NALF1: variants seen among roughly 807,000 people sequenced by gnomAD.
NALF1 encodes the protein NALCN channel auxiliary factor 1.
Under a neutral mutation model 48.4 loss-of-function variants are expected in NALF1, and 3 were observed. The ratio of observed to expected loss-of-function variants is 0.06; its 90% CI spans 0.03 to 0.16. The LOEUF (loss-of-function observed/expected upper bound fraction) is 0.16, where lower values mean the gene tolerates loss of function less well. Ranked by LOEUF, NALF1 falls within the 10% of genes least tolerant of loss-of-function variation. NALF1 has a pLI of 1.00. For synonymous variants in NALF1, 262 were observed against 245.7 expected, an observed-to-expected ratio of 1.07 and a Z score of -0.62; for missense variants, 526 against 571.5, an observed-to-expected ratio of 0.92 and a Z score of 0.81.
intron 1 of NALF1, among the ~76,000 whole-genome samples, chr13:107,521,722 G>A (rs1028709801): frequency 6.6e-6 from 1 of 152,100 alleles, no homozygotes; most frequent in Non-Finnish European, 1.5e-5. Context: ...CTAGCCCAGT[G>A]TCCCACAGTT....
intron 2 of NALF1, among the ~76,000 whole-genome samples, chr13:107,209,439 G>A (rs1230006310): frequency 6.0e-5 from 9 of 150,768 alleles, no homozygotes; most frequent in South Asian, 2.1e-4. Flanking sequence ...CCCCGGAGGC[G>A]GAGCTTAAAG....
At chr13:107,293,575 A>T (rs994640863) in intron 1 of NALF1, among the ~76,000 whole-genome samples, 1 of 152,146 alleles carries the variant, frequency 6.6e-6, no homozygotes, top group Non-Finnish European at 1.5e-5. Flanking sequence ...TCCACTTTAT[A>T]TGTCTGGTGA....
intron 1 of NALF1, among the ~76,000 whole-genome samples, chr13:107,316,183 T>A (rs1165375812): frequency 6.6e-6 from 1 of 152,180 alleles, no homozygotes; most frequent in African/African-American, 2.4e-5. Flanking sequence ...TTGCTGAGAA[T>A]GATGGTTTCC....
chr13:107,163,815 G>C lies in NALF1; in HGVS notation c.*6682C>G, dbSNP rs562644950. Reference sequence around the variant, plus strand: ...GAAAAATAGAAATAAGGAAAATTAAGTGCAAACATGAGAATGCTTATCATG... The same window carrying C: ...GAAAAATAGAAATAAGGAAAATTAACTGCAAACATGAGAATGCTTATCATG... On this transcript the variant is annotated 3_prime_UTR_variant, in exon 3 of 3. Transcript: ENST00000375915. 1 of 152,180 alleles carries C rather than the reference G, an allele frequency of 6.6e-6. No individual in the cohort carries two copies. The highest frequency in any genetic ancestry group is 2.1e-4 in the South Asian group (1 of 4,824). The allele number at this position is 152,180 out of a possible 1,614,324, so 9.4% of individuals were successfully genotyped here.
intron 1 of NALF1, among the ~76,000 whole-genome samples, chr13:107,840,124 T>G (rs1467863104): frequency 6.6e-6 from 1 of 152,182 alleles, no homozygotes; most frequent in African/African-American, 2.4e-5. Context: ...TCTTCACGCA[T>G]TCAATCACTC....
chr13:107,626,608 C>T (rs1594168782), intron 1 of NALF1, among the ~76,000 whole-genome samples: 1 of 152,056 alleles, frequency 6.6e-6, no homozygotes, highest in East Asian at 1.9e-4. Flanking sequence ...AAAATGTCAT[C>T]ATCTGCAGCA....
intron 1 of NALF1, among the ~76,000 whole-genome samples, chr13:107,778,514 G>T (rs1341345423): frequency 6.6e-6 from 1 of 152,188 alleles, no homozygotes; most frequent in Non-Finnish European, 1.5e-5. Flanking sequence ...TATGACTCTT[G>T]ATGGCAGAAC....
chr13:107,720,371 C>T (rs563503268), intron 1 of NALF1, among the ~76,000 whole-genome samples: 67 of 152,152 alleles, frequency 4.4e-4, no homozygotes, highest in South Asian at 1.9e-3. Context: ...ATCAGCCAGG[C>T]GCGGTGGCGC....
intron 1 of NALF1, among the ~76,000 whole-genome samples, chr13:107,468,384 G>T (rs957178976): frequency 6.6e-6 from 1 of 152,096 alleles, no homozygotes; most frequent in African/African-American, 2.4e-5. Flanking sequence ...TTGAAAGCTG[G>T]AGGAAAAATA....
At chr13:107,760,876 A>G (rs1331217705) in intron 1 of NALF1, among the ~76,000 whole-genome samples, 1 of 152,148 alleles carries the variant, frequency 6.6e-6, no homozygotes. Context: ...GTTGAGTCGG[A>G]CTTGCTGTAA....
chr13:107,528,415 T>C (rs16970623), intron 1 of NALF1, among the ~76,000 whole-genome samples: 32,482 of 152,126 alleles, frequency 0.21, 3,682 homozygotes, highest in East Asian at 0.38. Context: ...GATTCATACG[T>C]TCTTTTAGAT....
chr13:107,391,802 A>T (rs1883632155), intron 1 of NALF1, among the ~76,000 whole-genome samples: 1 of 152,082 alleles, frequency 6.6e-6, no homozygotes, highest in South Asian at 2.1e-4. Context: ...AAACCAATAT[A>T]TTTCTTAAAT....
intron 1 of NALF1, among the ~76,000 whole-genome samples, chr13:107,328,273 TACACACACACACACACACACACAC>T (rs34987619): frequency 1.4e-5 from 2 of 144,006 alleles, no homozygotes; most frequent in Non-Finnish European, 3.0e-5. Flanking sequence ...TCTCCTGCAA[TACACACACACACACACACACACAC>T]ACACACACAC....
chr13:107,864,231 A>T (rs1180787343), intron 1 of NALF1, among the ~76,000 whole-genome samples: 1 of 152,228 alleles, frequency 6.6e-6, no homozygotes, highest in African/African-American at 2.4e-5. Flanking sequence ...CTAGTGAAGT[A>T]TCACTCTAAA....
intron 1 of NALF1, among the ~76,000 whole-genome samples, chr13:107,624,101 A>G (rs2138443022): frequency 6.6e-6 from 1 of 152,294 alleles, no homozygotes; most frequent in African/African-American, 2.4e-5. Flanking sequence ...CTGATGGAGA[A>G]TAACTATGAT....
chr13:107,325,949 C>CAT (rs1203696404), intron 1 of NALF1, among the ~76,000 whole-genome samples: 16 of 134,046 alleles, frequency 1.2e-4, no homozygotes, highest in African/African-American at 3.9e-4. Context: ...CACATATATA[C>CAT]ATATATATAC....
At chr13:107,683,180 C>G (rs1193568264) in intron 1 of NALF1, among the ~76,000 whole-genome samples, 1 of 152,036 alleles carries the variant, frequency 6.6e-6, no homozygotes, top group African/African-American at 2.4e-5. Flanking sequence ...CCAGGGAGGT[C>G]GAGGCTGCAG....
intron 1 of NALF1, among the ~76,000 whole-genome samples, chr13:107,527,797 C>A (rs866233879): frequency 1.3e-5 from 2 of 152,098 alleles, no homozygotes; most frequent in Admixed American, 6.6e-5. Flanking sequence ...CCATGTAAGA[C>A]GTACCTTTCT....
At chr13:107,842,591 A>G (rs1168004997) in intron 1 of NALF1, among the ~76,000 whole-genome samples, 1 of 151,724 alleles carries the variant, frequency 6.6e-6, no homozygotes, top group African/African-American at 2.4e-5. Context: ...ATGCCTTATA[A>G]AAGAGTTTTA....
Sources: gnomAD v4.1 joint callset for allele counts (sites outside exome capture counted in the v4.1 genomes callset) on GRCh38, gnomAD v4.1.1 for gene constraint, MANE v1.5 for transcripts, NCBI Gene and HGNC (gene_info 2026-07-23, HGNC 2026-07-21) for gene names.